The following PLCB4 variants were observed in gnomAD, a reference collection of about 807,000 sequenced individuals.
The protein encoded by PLCB4 is 1-phosphatidylinositol 4,5-bisphosphate phosphodiesterase beta-4.
A neutral mutation model predicts 178.8 loss-of-function variants in PLCB4; 77 were observed. That is an observed-to-expected ratio of 0.43 (90% CI 0.36 to 0.52). The LOEUF (loss-of-function observed/expected upper bound fraction) is 0.52, where lower values mean the gene tolerates loss of function less well. Ranked by LOEUF, PLCB4 falls within the 20% of genes least tolerant of loss-of-function variation. The probability of loss-of-function intolerance (pLI) is 0.00; values close to 1 mark genes in which losing one functional copy is unlikely to be tolerated. For missense variants in PLCB4, 1,024 were observed against 1,453.4 expected (o/e 0.70, Z 4.80); for synonymous variants, 496 against 490.8 (o/e 1.01, Z -0.14).
At chr20:9,468,546 T>A in intron 35 of PLCB4, 25 bp from the exon 36 acceptor site, 1 of 1,408,188 alleles carries the variant, frequency 7.1e-7, no homozygotes, top group Non-Finnish European at 1.0e-6. Context: ...CCCTCCCTGT[T>A]TGTTTTCTTG....
intron 9 of PLCB4, among the ~76,000 whole-genome samples, chr20:9,366,823 C>T (rs376985523): frequency 3.9e-5 from 6 of 152,226 alleles, no homozygotes; most frequent in Non-Finnish European, 7.3e-5. Context: ...GTTCTCCAGA[C>T]TCAGGTTCAT....
At chr20:9,079,771 C>T (rs1450379637) in intron 1 of PLCB4, among the ~76,000 whole-genome samples, 2 of 152,110 alleles carry the variant, frequency 1.3e-5, no homozygotes, top group African/African-American at 4.8e-5. Context: ...GAATTTTCTA[C>T]AATACCACAT....
chr20:9,326,851 C>G (rs559663673), intron 4 of PLCB4, among the ~76,000 whole-genome samples: 29 of 152,136 alleles, frequency 1.9e-4, no homozygotes, highest in Non-Finnish European at 3.1e-4. Context: ...CTCTGGGTTT[C>G]CCTTATGCTT....
chr20:9,291,580 TA>T (rs964622185), intron 3 of PLCB4, among the ~76,000 whole-genome samples: 5 of 152,164 alleles, frequency 3.3e-5, no homozygotes, highest in Admixed American at 3.3e-4. Flanking sequence ...ATAAAAAAAT[TA>T]AATCAACCTC....
chr20:9,098,741 ATGTGTGTGTG>A (rs35465129), intron 2 of PLCB4, among the ~76,000 whole-genome samples: 1 of 135,464 alleles, frequency 7.4e-6, no homozygotes, highest in Non-Finnish European at 1.5e-5. Context: ...ATATACATAT[ATGTGTGTGTG>A]TGTGTGTGTG....
intron 3 of PLCB4, among the ~76,000 whole-genome samples, chr20:9,297,672 C>T (rs2094654858): frequency 1.3e-5 from 2 of 152,024 alleles, no homozygotes; most frequent in Admixed American, 6.6e-5. Flanking sequence ...CCCTCCTGTA[C>T]CATTATTGCT....
chr20:9,381,399 T>C (rs1049274857), intron 13 of PLCB4, among the ~76,000 whole-genome samples: 1 of 152,144 alleles, frequency 6.6e-6, no homozygotes, highest in African/African-American at 2.4e-5. Context: ...TCTTTGAAGT[T>C]TGTAGAGGGC....
At chr20:9,380,956 T>C (rs2037091388) in intron 13 of PLCB4, among the ~76,000 whole-genome samples, 4 of 152,324 alleles carry the variant, frequency 2.6e-5, no homozygotes, top group Middle Eastern at 6.8e-3. Context: ...TTGTATCTAA[T>C]GCCAGTGAGT....
chr20:9,092,262 C>T (rs576035321), intron 1 of PLCB4, among the ~76,000 whole-genome samples: 5 of 152,018 alleles, frequency 3.3e-5, no homozygotes, highest in South Asian at 2.1e-4. Flanking sequence ...GTCATCATTC[C>T]GTTTTGCATT....
At chr20:9,133,177 G>T (rs1274692046) in intron 2 of PLCB4, among the ~76,000 whole-genome samples, 3 of 151,878 alleles carry the variant, frequency 2.0e-5, no homozygotes, top group African/African-American at 7.3e-5. Context: ...TTACCTTTAG[G>T]TCTTTGCTTA....
At chr20:9,132,282 GTT>G (rs1369517323) in intron 2 of PLCB4, among the ~76,000 whole-genome samples, 6 of 139,996 alleles carry the variant, frequency 4.3e-5, no homozygotes, top group East Asian at 2.7e-4. Flanking sequence ...AGGGCATAAT[GTT>G]TGTGTGTGTG....
At chr20:9,258,055 G>T (rs760545495) in intron 3 of PLCB4, among the ~76,000 whole-genome samples, 3 of 152,108 alleles carry the variant, frequency 2.0e-5, no homozygotes, top group Non-Finnish European at 4.4e-5. Context: ...AGACATTAGA[G>T]AATCATTCCA....
At chr20:9,416,086 A>G (rs549208198) in intron 25 of PLCB4, among the ~76,000 whole-genome samples, 2 of 152,328 alleles carry the variant, frequency 1.3e-5, no homozygotes, top group South Asian at 2.1e-4. Context: ...CTTCAAGTAT[A>G]CAAAATGAAC....
intron 34 of PLCB4, among the ~76,000 whole-genome samples, chr20:9,458,021 A>T (rs1243280855): frequency 6.6e-6 from 1 of 152,158 alleles, no homozygotes; most frequent in East Asian, 1.9e-4. Context: ...GGGCATTTGG[A>T]GAACTAAGTG....
At chr20:9,225,024 G>A (rs1344889983) in intron 3 of PLCB4, among the ~76,000 whole-genome samples, 1 of 152,114 alleles carries the variant, frequency 6.6e-6, no homozygotes, top group Non-Finnish European at 1.5e-5. Flanking sequence ...GAGTTTAGGT[G>A]AAGCATGCTG....
intron 4 of PLCB4, among the ~76,000 whole-genome samples, chr20:9,320,020 G>A (rs2094942055): frequency 6.6e-6 from 1 of 152,124 alleles, no homozygotes; most frequent in African/African-American, 2.4e-5. Context: ...AGGATTCTTG[G>A]ATCTCGCCCA....
chr20:9,325,039 A>G (rs1172616281), intron 4 of PLCB4, among the ~76,000 whole-genome samples: 1 of 152,194 alleles, frequency 6.6e-6, no homozygotes, highest in East Asian at 1.9e-4. Flanking sequence ...TTTCAGAAAC[A>G]TCTTCTATGT....
intron 2 of PLCB4, among the ~76,000 whole-genome samples, chr20:9,121,152 G>A (rs1335737108): frequency 6.6e-6 from 1 of 152,204 alleles, no homozygotes; most frequent in Non-Finnish European, 1.5e-5. Context: ...CCAGAAGGCA[G>A]TGCGCCATTG....
At chr20:9,235,094 G>A (rs1339001954) in intron 3 of PLCB4, among the ~76,000 whole-genome samples, 1 of 152,080 alleles carries the variant, frequency 6.6e-6, no homozygotes, top group African/African-American at 2.4e-5. Flanking sequence ...ATATAGGATG[G>A]GTAAGAAGGA....
Sources: allele counts gnomAD v4.1 joint callset (sites outside exome capture counted in the v4.1 genomes callset), GRCh38; gene constraint gnomAD v4.1.1; transcripts MANE v1.5; gene names NCBI Gene and HGNC (gene_info 2026-07-23, HGNC 2026-07-21).